Variants in KIF26A observed in about 807,000 individuals in gnomAD.
The protein encoded by KIF26A is kinesin family member 26A, also known as kinesin-like protein KIF26A.
Under a neutral mutation model 126.0 loss-of-function variants are expected in KIF26A, and 74 were observed. The ratio of observed to expected loss-of-function variants is 0.59; its 90% confidence interval spans 0.49 to 0.71. The LOEUF (loss-of-function observed/expected upper bound fraction) is 0.71. Among genes scored for constraint, KIF26A ranks in the 30% least tolerant of loss-of-function variants. KIF26A has a pLI of 0.00. For missense variants in KIF26A, 2,984 were observed against 2,763.3 expected (o/e 1.08, Z -1.79); for synonymous variants, 1,445 against 1,232.7 (o/e 1.17, Z -3.61).
At chr14:104,165,899 C>A (rs939003219) in intron 4 of KIF26A, among the ~76,000 whole-genome samples, 1 of 151,912 alleles carries the variant, frequency 6.6e-6, no homozygotes, top group African/African-American at 2.4e-5. Flanking sequence ...GGGAGTCCAC[C>A]CCAGTGGCTC....
intron 3 of KIF26A, among the ~76,000 whole-genome samples, chr14:104,155,463 GC>G (rs1360884364): frequency 6.9e-6 from 1 of 144,712 alleles, no homozygotes. Flanking sequence ...TCGGCCTCAC[GC>G]TCCCCTCTCT....
At chr14:104,168,120 T>C (rs111855425) in intron 5 of KIF26A, among the ~76,000 whole-genome samples, 6,551 of 152,264 alleles carry the variant, frequency 0.043, 183 homozygotes, top group Non-Finnish European at 0.063. Flanking sequence ...GCTTGACCTT[T>C]ACAGCTCTGT....
chr14:104,170,074 G>A (rs546226058), intron 5 of KIF26A, among the ~76,000 whole-genome samples: 16 of 152,282 alleles, frequency 1.1e-4, no homozygotes, highest in South Asian at 1.0e-3. Flanking sequence ...GATTAATGCC[G>A]CTGGTGGAAA....
rs141798222 is a variant in KIF26A at position 104,163,399 on chromosome 14, C to T, written c.924-3460C>T. On this transcript the variant is annotated intron_variant, in intron 4 of 14. Coordinates refer to ENST00000423312, the MANE Select transcript of KIF26A (RefSeq NM_015656.2). ...ACACAGACAGCGTGGGCGAGTGTGTCGGCCTCCATCCTGTCCCTGATCTGC... is the reference window on the plus strand; with the variant it reads ...ACACAGACAGCGTGGGCGAGTGTGTTGGCCTCCATCCTGTCCCTGATCTGC... Among the ~76,000 whole-genome samples the T allele has an allele frequency of 4.2e-3, 642 of 152,270 alleles. 8 individuals are homozygous for T. The highest frequency in any genetic ancestry group is 7.0e-3 in the Non-Finnish European group (477 of 68,020).
chr14:104,149,848 C>T (rs547655638), intron 2 of KIF26A, among the ~76,000 whole-genome samples: 3 of 152,304 alleles, frequency 2.0e-5, no homozygotes, highest in African/African-American at 4.8e-5. Context: ...GGCTCCAGAA[C>T]GGCGAGCTGG....
At position 104,138,641 on chromosome 14, in the gene KIF26A, G is replaced by T; in HGVS notation, c.-82G>T. The T allele has an allele frequency of 8.8e-7, 1 of 1,135,942 alleles. No homozygotes were observed. Among genetic ancestry groups the T allele is most frequent in the South Asian group, 3.1e-5 (1 of 32,786 alleles). The allele number at this position is 1,135,942 out of a possible 1,614,324, so 70.4% of individuals were successfully genotyped here. A position where few individuals can be genotyped will look rare whatever the true frequency, so the allele number is the denominator to read the frequency against. On this transcript the variant is annotated 5_prime_UTR_variant, in exon 1 of 15. Coordinates refer to ENST00000423312, the MANE Select transcript of KIF26A (RefSeq NM_015656.2). ...CTGGGCCGGGCCATGGGGGCGCCTC[G>T]GGGCCGGATCACGTAGCCGCGGCGC...
At position 104,166,737 on chromosome 14, in the gene KIF26A, T is replaced by C; in HGVS notation, c.924-122T>C. 3 of 964,724 alleles carry C rather than the reference T, an allele frequency of 3.1e-6. No homozygotes were observed. In the South Asian group the frequency reaches 5.3e-5, roughly 17 times the overall value. The allele number at this position is 964,724 out of a possible 1,614,324, so 59.8% of individuals were successfully genotyped here. Reference sequence around the variant, plus strand: ...CAGGCCTCCCAGCCACATTTTGGACTGGGTTTCCTGGGATGGTGGCTGATG... The same window carrying C: ...CAGGCCTCCCAGCCACATTTTGGACCGGGTTTCCTGGGATGGTGGCTGATG... On this transcript the variant is annotated intron_variant, in intron 4 of 14. Coordinates refer to ENST00000423312, the MANE Select transcript of KIF26A (RefSeq NM_015656.2).
chr14:104,160,077 C>A (rs2037819392), intron 4 of KIF26A, among the ~76,000 whole-genome samples: 1 of 152,112 alleles, frequency 6.6e-6, no homozygotes, highest in Admixed American at 6.5e-5. Context: ...CCCTGCTCTG[C>A]CCTTGGGAAG....
chr14:104,179,217 C>T lies in KIF26A; in HGVS notation c.5317-19C>T, dbSNP rs550510225. Reference sequence around the variant, plus strand: ...GGAGAGGGTCCCATGCCTGAGCCCCCGCCCGCCCTGCCTCCCAGGGTCTGG... The same window carrying T: ...GGAGAGGGTCCCATGCCTGAGCCCCTGCCCGCCCTGCCTCCCAGGGTCTGG... On this transcript the variant is annotated intron_variant, in intron 13 of 14. Transcript: ENST00000423312. The T allele has an allele frequency of 7.2e-5, 105 of 1,448,674 alleles. No individual in the cohort carries two copies. Among genetic ancestry groups the T allele is most frequent in the Middle Eastern group, 5.0e-4 (2 of 4,024 alleles). 89.7% of individuals were successfully genotyped at this position (1,448,674 alleles called of 1,614,324 possible). A position where few individuals can be genotyped will look rare whatever the true frequency, so the allele number is the denominator to read the frequency against.
At chr14:104,141,607 G>C (rs1489257952) in intron 2 of KIF26A, among the ~76,000 whole-genome samples, 2 of 149,642 alleles carry the variant, frequency 1.3e-5, no homozygotes, top group Non-Finnish European at 3.0e-5. Context: ...GGCCCAGCCT[G>C]CCAGGGTCTC....
At chr14:104,143,750 C>T (rs2037657302) in intron 2 of KIF26A, among the ~76,000 whole-genome samples, 1 of 152,260 alleles carries the variant, frequency 6.6e-6, no homozygotes, top group Non-Finnish European at 1.5e-5. Context: ...CCTGGCCCGG[C>T]TTCCACTGCT....
In KIF26A at chr14:104,176,588, C is replaced by T. The variant is rs2038031222; in HGVS notation, c.3800C>T (p.Ser1267Phe). Residue 1267 changes from serine (S) to phenylalanine (F), a missense_variant, in exon 12 of 15, where the codon TCC becomes TTC. By Grantham distance (155) the Ser-to-Phe change is radical (BLOSUM62 -2). Transcript: ENST00000423312. The stretch of plus-strand genomic sequence containing the variant: ...AGGGCCCCCAGCCCCACACTTGGCT[C>T]CCCCCGGCTGCCTGAGGCCCAGGTG... ...AGRAPSPTLG[S>F]PRLPEAQVML... 5 of 1,607,786 alleles carry T rather than the reference C, an allele frequency of 3.1e-6. No individual in the cohort carries two copies. Among genetic ancestry groups the T allele is most frequent in the Non-Finnish European group, 4.2e-6 (5 of 1,179,534 alleles).
At chr14:104,143,115 G>C (rs1002915065) in intron 2 of KIF26A, among the ~76,000 whole-genome samples, 3 of 152,334 alleles carry the variant, frequency 2.0e-5, no homozygotes, top group African/African-American at 4.8e-5. Flanking sequence ...TATCGCCCCC[G>C]ATGGGGAAAA....
chr14:104,147,555 G>A (rs1225485811), intron 2 of KIF26A, among the ~76,000 whole-genome samples: 3 of 152,176 alleles, frequency 2.0e-5, no homozygotes, highest in African/African-American at 7.2e-5. Flanking sequence ...GAGGGGCACC[G>A]GGGCAGCCAG....
At chr14:104,165,107 G>C (rs1020059430) in intron 4 of KIF26A, among the ~76,000 whole-genome samples, 1 of 151,152 alleles carries the variant, frequency 6.6e-6, no homozygotes, top group Admixed American at 6.6e-5. Context: ...GTGTGTCTCT[G>C]TGTGTGTGTC....
intron 5 of KIF26A, among the ~76,000 whole-genome samples, chr14:104,171,406 G>A (rs2037955365): frequency 1.3e-5 from 2 of 152,164 alleles, no homozygotes; most frequent in South Asian, 2.1e-4. Flanking sequence ...CTGCTCTGCA[G>A]GACCTGAGCG....
chr14:104,176,381 G>C lies in KIF26A; in HGVS notation c.3593G>C (p.Arg1198Pro). Residue 1198 changes from arginine (R) to proline (P), a missense_variant, in exon 12 of 15, where the codon CGG becomes CCG. Coordinates refer to ENST00000423312, the MANE Select transcript of KIF26A (RefSeq NM_015656.2). ...AGGGAGCCCCAGGCCGGGCCCTCGC[G>C]GTGGGCATCCGCAGCCCAGACCATC... ...PGREPQAGPS[R>P]WASAAQTIHS... 6.3e-7 allele frequency: 1 copy of C among 1,586,718 alleles called. No individual in the cohort carries two copies. The highest frequency in any genetic ancestry group is 8.6e-7 in the Non-Finnish European group (1 of 1,163,764).
At chr14:104,167,776 C>T (rs1596144853) in intron 5 of KIF26A, among the ~76,000 whole-genome samples, 3 of 152,256 alleles carry the variant, frequency 2.0e-5, no homozygotes, top group Admixed American at 1.3e-4. Context: ...TCTGTGTGTG[C>T]CCCCGGTGGC....
chr14:104,138,973 G>C (rs1596128942), intron 1 of KIF26A, 70 bp from the exon 2 acceptor site: 1 of 1,309,682 alleles, frequency 7.6e-7, no homozygotes, highest in African/African-American at 1.5e-5. Flanking sequence ...CGCTGGGGCA[G>C]GGCGCGCAGG....
Sources: gnomAD v4.1 joint callset for allele counts (sites outside exome capture counted in the v4.1 genomes callset) on GRCh38, gnomAD v4.1.1 for gene constraint, MANE v1.5 for transcripts, NCBI Gene and HGNC (gene_info 2026-07-23, HGNC 2026-07-21) for gene names.